MCTP1: variants seen among roughly 807,000 people sequenced by gnomAD.
MCTP1 encodes multiple C2 and transmembrane domain-containing protein 1.
Under a neutral mutation model 120.6 loss-of-function variants are expected in MCTP1, and 69 were observed. The observed-to-expected ratio is 0.57, with a 90% confidence interval of 0.47 to 0.70. The LOEUF (loss-of-function observed/expected upper bound fraction) is 0.70, where lower values mean the gene tolerates loss of function less well. Ranked by LOEUF, MCTP1 falls within the 30% of genes least tolerant of loss-of-function variation. MCTP1 has a pLI of 0.00. For missense variants in MCTP1, 1,203 were observed against 1,248.8 expected (o/e 0.96, Z 0.55); for synonymous variants, 529 against 493.1 (o/e 1.07, Z -0.96).
intron 1 of MCTP1, among the ~76,000 whole-genome samples, chr5:95,138,703 G>A (rs1759654914): frequency 6.6e-6 from 1 of 151,948 alleles, no homozygotes; most frequent in Non-Finnish European, 1.5e-5. Flanking sequence ...CACTCCACCG[G>A]CTGCTCCCTC....
chr5:94,833,747 C>T (rs1241730105), intron 17 of MCTP1, among the ~76,000 whole-genome samples: 2 of 151,754 alleles, frequency 1.3e-5, no homozygotes, highest in East Asian at 3.9e-4. Context: ...CATCAAGTGC[C>T]AAAATAAAGG....
intron 1 of MCTP1, among the ~76,000 whole-genome samples, chr5:95,105,934 A>G (rs755882340): frequency 6.6e-6 from 1 of 152,170 alleles, no homozygotes; most frequent in Non-Finnish European, 1.5e-5. Context: ...AGAAACTCCA[A>G]GTGGAGACTT....
chr5:95,261,207 A>G (rs1290067510), intron 1 of MCTP1, among the ~76,000 whole-genome samples: 1 of 152,228 alleles, frequency 6.6e-6, no homozygotes, highest in African/African-American at 2.4e-5. Context: ...AAAGCCATTT[A>G]ACCACTTTGA....
chr5:94,783,537 T>A (rs899185446), intron 18 of MCTP1, among the ~76,000 whole-genome samples: 1 of 152,038 alleles, frequency 6.6e-6, no homozygotes, highest in African/African-American at 2.4e-5. Flanking sequence ...TTTGGTATTA[T>A]TCTCCCGGAA....
At chr5:95,186,548 T>C (rs961712602) in intron 1 of MCTP1, among the ~76,000 whole-genome samples, 3 of 152,206 alleles carry the variant, frequency 2.0e-5, no homozygotes, top group African/African-American at 7.2e-5. Flanking sequence ...TATACCTTGT[T>C]CATGGATTGG....
intron 17 of MCTP1, among the ~76,000 whole-genome samples, chr5:94,799,682 T>C (rs1326424422): frequency 6.6e-6 from 1 of 152,190 alleles, no homozygotes; most frequent in Non-Finnish European, 1.5e-5. Context: ...TGGCTTAATA[T>C]TCAGCATTAC....
rs1386334734 is a variant in MCTP1, at chr5:94,913,013, T to C, written c.1351-37A>G. On this transcript the variant is annotated intron_variant, in intron 8 of 22. Coordinates refer to ENST00000515393, the MANE Select transcript of MCTP1 (RefSeq NM_024717.7). Reference sequence around the variant, plus strand: ...TGAAAATTGAGTTAGGTTACTGTGTTTTAAACCCAAAAACCTCATTTTGGC... The same window carrying C: ...TGAAAATTGAGTTAGGTTACTGTGTCTTAAACCCAAAAACCTCATTTTGGC... 3 of 1,546,760 alleles carry C rather than the reference T, an allele frequency of 1.9e-6. No individual in the cohort carries two copies. In the South Asian group the frequency reaches 3.8e-5, roughly 19 times the overall value.
chr5:94,741,405 C>T (rs932459564), intron 19 of MCTP1, among the ~76,000 whole-genome samples: 1 of 152,174 alleles, frequency 6.6e-6, no homozygotes, highest in Non-Finnish European at 1.5e-5. Context: ...TGAAGAGACC[C>T]TCTGGTTTCT....
At chr5:95,058,999 T>C (rs895531832) in intron 1 of MCTP1, among the ~76,000 whole-genome samples, 3 of 152,134 alleles carry the variant, frequency 2.0e-5, no homozygotes, top group Non-Finnish European at 4.4e-5. Flanking sequence ...GTGACAAGCA[T>C]ATACATGCAA....
At chr5:94,718,493 C>T (rs1760061668) in intron 19 of MCTP1, among the ~76,000 whole-genome samples, 1 of 151,886 alleles carries the variant, frequency 6.6e-6, no homozygotes. Context: ...GATTTGGTTG[C>T]AATGCAACCA....
intron 19 of MCTP1, among the ~76,000 whole-genome samples, chr5:94,746,355 C>T (rs1371725716): frequency 2.0e-5 from 3 of 152,122 alleles, no homozygotes; most frequent in African/African-American, 4.8e-5. Context: ...AGATTGAAGG[C>T]GTTACTCATG....
intron 3 of MCTP1, among the ~76,000 whole-genome samples, chr5:94,950,026 T>C (rs1186596735): frequency 6.6e-6 from 1 of 151,518 alleles, no homozygotes; most frequent in Non-Finnish European, 1.5e-5. Flanking sequence ...ATGGAAAAAA[T>C]AAAGCAAAAA....
intron 3 of MCTP1, among the ~76,000 whole-genome samples, chr5:94,949,170 C>A (rs557931956): frequency 1.2e-3 from 185 of 152,222 alleles, no homozygotes; most frequent in African/African-American, 4.2e-3. Flanking sequence ...AATATATTCC[C>A]CTTTATGTTA....
intron 1 of MCTP1, among the ~76,000 whole-genome samples, chr5:95,127,328 C>T (rs1758709175): frequency 6.6e-6 from 1 of 152,074 alleles, no homozygotes; most frequent in African/African-American, 2.4e-5. Flanking sequence ...AGAAAGTGCT[C>T]TTCAGTGGGA....
intron 1 of MCTP1, chr5:95,081,883 G>GCAC: frequency 1.0e-6 from 1 of 962,488 alleles, no homozygotes; most frequent in Non-Finnish European, 1.2e-6. Context: ...AGCCACAACA[G>GCAC]GAAATGAGAA....
chr5:95,191,179 T>C (rs1274676750), intron 1 of MCTP1, among the ~76,000 whole-genome samples: 1 of 151,956 alleles, frequency 6.6e-6, no homozygotes, highest in Non-Finnish European at 1.5e-5. Context: ...TATATAAAAA[T>C]AGGCCAGGGA....
chr5:94,859,963 C>A (rs1795442130), intron 17 of MCTP1, among the ~76,000 whole-genome samples: 1 of 151,608 alleles, frequency 6.6e-6, no homozygotes, highest in African/African-American at 2.4e-5. Context: ...CTGAAGCATG[C>A]TTGGCAGGAA....
chr5:94,865,833 T>C (rs1466766360), intron 17 of MCTP1, among the ~76,000 whole-genome samples: 1 of 151,432 alleles, frequency 6.6e-6, no homozygotes, highest in Non-Finnish European at 1.5e-5. Context: ...TTCTTCCTTC[T>C]GTATATTGGA....
At chr5:95,224,081 C>A (rs1360793208) in intron 1 of MCTP1, among the ~76,000 whole-genome samples, 1 of 152,122 alleles carries the variant, frequency 6.6e-6, no homozygotes, top group Non-Finnish European at 1.5e-5. Context: ...CAATCCCTAG[C>A]AACAATGGAA....
Sources: gnomAD v4.1 joint callset for allele counts (sites outside exome capture counted in the v4.1 genomes callset) on GRCh38, gnomAD v4.1.1 for gene constraint, MANE v1.5 for transcripts, NCBI Gene and HGNC (gene_info 2026-07-23, HGNC 2026-07-21) for gene names.